Variants in FBN1 observed in about 807,000 individuals in gnomAD.
The protein encoded by FBN1 is fibrillin-1.
FBN1 carries 29 observed loss-of-function variants against 365.1 expected under a neutral mutation model. That is an observed-to-expected ratio of 0.08 (90% CI 0.06 to 0.11). The LOEUF (loss-of-function observed/expected upper bound fraction) is 0.11, where lower values mean the gene tolerates loss of function less well. FBN1 is among the 10% of genes least tolerant of loss of function. The pLI is 1.00. For missense variants in FBN1, 2,476 were observed against 3,703.2 expected (o/e 0.67, Z 8.60); for synonymous variants, 1,210 against 1,270.5 (o/e 0.95, Z 1.01).
chr15:48,439,638 GT>G (rs1388439227), intron 50 of FBN1, among the ~76,000 whole-genome samples: 2 of 152,046 alleles, frequency 1.3e-5, no homozygotes, highest in African/African-American at 4.8e-5. Context: ...AGTTTGTAGT[GT>G]TTCTTTAAAT....
chr15:48,599,753 C>G (rs2044547533), intron 5 of FBN1, among the ~76,000 whole-genome samples: 1 of 152,088 alleles, frequency 6.6e-6, no homozygotes, highest in Non-Finnish European at 1.5e-5. Flanking sequence ...AATGATGAGG[C>G]TGAGTTTTGA....
At chr15:48,598,184 G>T (rs899562533) in intron 5 of FBN1, among the ~76,000 whole-genome samples, 1 of 152,218 alleles carries the variant, frequency 6.6e-6, no homozygotes, top group Non-Finnish European at 1.5e-5. Context: ...TATGGAGTCA[G>T]ACTGCTTGGG....
In FBN1 at chr15:48,435,973, G is replaced by A. The variant is rs2043069343; in HGVS notation, c.6496+988C>T. On this transcript the variant is annotated intron_variant, in intron 53 of 65. Transcript: ENST00000316623. Reference sequence around the variant, plus strand: ...AGAGTAATGGCTCTTGTCAACAGTTGTTTCTTGTGCTGAGGTTCTTAAGTC... The same window carrying A: ...AGAGTAATGGCTCTTGTCAACAGTTATTTCTTGTGCTGAGGTTCTTAAGTC... 2.6e-5 allele frequency among the ~76,000 whole-genome samples: 4 copies of A among 151,988 alleles called. No individual in the cohort carries two copies. The South Asian group carries it at 8.3e-4, about 32-fold the overall frequency.
At chr15:48,613,261 C>G (rs1292240972) in intron 2 of FBN1, among the ~76,000 whole-genome samples, 169 bp from the exon 3 acceptor site, 1 of 152,206 alleles carries the variant, frequency 6.6e-6, no homozygotes, top group Admixed American at 6.5e-5. Flanking sequence ...GGGACACTAA[C>G]ATAGTGATAT....
intron 7 of FBN1, among the ~76,000 whole-genome samples, 179 bp downstream of exon 7, chr15:48,537,432 A>T (rs1209219009): frequency 6.6e-6 from 1 of 152,164 alleles, no homozygotes; most frequent in African/African-American, 2.4e-5. Context: ...ATTCAGTAAG[A>T]CTTCAGCTGC....
chr15:48,563,045 TGA>T (rs1197582180), intron 6 of FBN1, among the ~76,000 whole-genome samples: 6 of 152,176 alleles, frequency 3.9e-5, no homozygotes, highest in Non-Finnish European at 8.8e-5. Context: ...AATAGATACA[TGA>T]GAGACAGTGA....
Position 48,430,906 on chromosome 15 carries a change from C to T in FBN1, c.6740-104G>A, listed in dbSNP as rs556472148. On this transcript the variant is annotated intron_variant, in intron 55 of 65. Transcript: ENST00000316623. Reference sequence around the variant, plus strand: ...ATGTTAGTAAGTAACCAATTTTCATCTGTTATTTCACTACTGGCTGTATTT... The same window carrying T: ...ATGTTAGTAAGTAACCAATTTTCATTTGTTATTTCACTACTGGCTGTATTT... The T allele has an allele frequency of 1.1e-5, 12 of 1,081,336 alleles. No homozygotes were observed. In the East Asian group the frequency reaches 2.8e-4, roughly 25 times the overall value. The allele number at this position is 1,081,336 out of a possible 1,614,324, so 67.0% of individuals were successfully genotyped here.
chr15:48,584,975 C>T (rs756741714), intron 6 of FBN1, among the ~76,000 whole-genome samples: 5 of 152,196 alleles, frequency 3.3e-5, no homozygotes, highest in Non-Finnish European at 7.3e-5. Flanking sequence ...CTTCTGGCTT[C>T]GCTTTTGCCT....
intron 29 of FBN1, 47 bp downstream of exon 29, chr15:48,487,018 CATAACATAAA>C (rs201137562): frequency 8.1e-7 from 1 of 1,232,304 alleles, no homozygotes; most frequent in Non-Finnish European, 1.1e-6. Flanking sequence ...CATAACATAA[CATAACATAAA>C]ATAAAGTAAA....
At chr15:48,555,230 C>CT (rs2044170385) in intron 6 of FBN1, among the ~76,000 whole-genome samples, 1 of 152,144 alleles carries the variant, frequency 6.6e-6, no homozygotes, top group South Asian at 2.1e-4. Flanking sequence ...CGGTTAAAAA[C>CT]TGTCATGTTA....
intron 4 of FBN1, among the ~76,000 whole-genome samples, chr15:48,601,231 T>G (rs1022556907): frequency 1.4e-4 from 21 of 152,220 alleles, no homozygotes; most frequent in Admixed American, 9.2e-4. Context: ...GGGCTCATAG[T>G]GAGCAATGAC....
intron 2 of FBN1, among the ~76,000 whole-genome samples, chr15:48,622,459 T>C (rs1190050192): frequency 6.6e-6 from 1 of 152,204 alleles, no homozygotes; most frequent in African/African-American, 2.4e-5. Context: ...TTCATCCCAC[T>C]GATGAAATTC....
intron 10 of FBN1, 26 bp from the exon 11 acceptor site, chr15:48,516,388 A>C: frequency 6.2e-7 from 1 of 1,609,290 alleles, no homozygotes. Flanking sequence ...AAAACAAAAC[A>C]CAACAGCTGA....
intron 13 of FBN1, among the ~76,000 whole-genome samples, chr15:48,512,633 T>C (rs966759415): frequency 4.6e-5 from 7 of 152,204 alleles, no homozygotes; most frequent in South Asian, 4.1e-4. Flanking sequence ...GCTCCATCCA[T>C]GTCCCTGCAA....
At position 48,481,795 on chromosome 15, in the gene FBN1, T is replaced by G. The variant is rs1473358699; in HGVS notation, c.3839-15A>C. 6.2e-7 allele frequency: 1 copy of G among 1,608,412 alleles called. No individual in the cohort carries two copies. The highest frequency in any genetic ancestry group is 2.2e-5 in the East Asian group (1 of 44,810). On this transcript the variant is annotated splice_polypyrimidine_tract_variant and intron_variant, in intron 31 of 65. Coordinates refer to ENST00000316623, the MANE Select transcript of FBN1 (RefSeq NM_000138.5). ...CTCATTGACATCTGTAAAACATATA[T>G]ACTATTAATATATGTAGCTATTTGA...
chr15:48,417,872 C>T (rs979236131), intron 63 of FBN1, among the ~76,000 whole-genome samples: 3 of 152,208 alleles, frequency 2.0e-5, no homozygotes, highest in Non-Finnish European at 4.4e-5. Flanking sequence ...CCATCCTCTC[C>T]ACTTGCTCTT....
At chr15:48,572,531 AAAAC>A (rs201950384) in intron 6 of FBN1, among the ~76,000 whole-genome samples, 3 of 151,516 alleles carry the variant, frequency 2.0e-5, no homozygotes, top group East Asian at 2.1e-4. Context: ...GTTAAAAAAA[AAAAC>A]AAAGACCCCT....
intron 35 of FBN1, 147 bp from the exon 36 acceptor site, chr15:48,470,903 A>G (rs2039402639): frequency 1.1e-6 from 1 of 907,180 alleles, no homozygotes; most frequent in Non-Finnish European, 1.7e-6. Flanking sequence ...AGACTTTTAG[A>G]TGATTTGCCA....
At chr15:48,625,252 C>T (rs1013571684) in intron 2 of FBN1, among the ~76,000 whole-genome samples, 2 of 152,186 alleles carry the variant, frequency 1.3e-5, no homozygotes, top group Non-Finnish European at 2.9e-5. Context: ...ATAGCAGTCT[C>T]TCAGCTGCAT....
Sources: allele counts gnomAD v4.1 joint callset (sites outside exome capture counted in the v4.1 genomes callset), GRCh38; gene constraint gnomAD v4.1.1; transcripts MANE v1.5; gene names NCBI Gene and HGNC (gene_info 2026-07-23, HGNC 2026-07-21).